GPR160: variants seen among roughly 807,000 people sequenced by gnomAD.
GPR160 encodes G protein-coupled receptor 160, also known as probable G protein-coupled receptor 160.
A neutral mutation model predicts 2.6 loss-of-function variants in GPR160; 2 were observed. The ratio of observed to expected loss-of-function variants is 0.77; its 90% CI spans 0.32 to 2.44. GPR160 has a LOEUF of 2.44. Ranked by LOEUF, GPR160 falls within the 30% of genes most tolerant of loss-of-function variation. The probability of loss-of-function intolerance (pLI) is 0.11; values close to 1 mark genes in which losing one functional copy is unlikely to be tolerated. For missense variants in GPR160, 351 were observed against 383.6 expected (o/e 0.91, Z 0.71); for synonymous variants, 130 against 132.2 (o/e 0.98, Z 0.12).
intron 2 of GPR160, among the ~76,000 whole-genome samples, chr3:170,068,689 A>G (rs973633832): frequency 6.6e-6 from 1 of 152,130 alleles, no homozygotes; most frequent in African/African-American, 2.4e-5. Flanking sequence ...TGTTGTTATT[A>G]TAAATAGCCT....
At chr3:170,066,314 G>A (rs527932366) in intron 2 of GPR160, among the ~76,000 whole-genome samples, 1 of 151,384 alleles carries the variant, frequency 6.6e-6, no homozygotes, top group South Asian at 2.1e-4. Context: ...CTAATTTTTG[G>A]TATTTTTAGT....
At chr3:170,046,062 C>T (rs1716707716) in intron 2 of GPR160, among the ~76,000 whole-genome samples, 1 of 152,182 alleles carries the variant, frequency 6.6e-6, no homozygotes, top group South Asian at 2.1e-4. Context: ...AGCCCTGCTT[C>T]CTTTACTTTC....
At chr3:170,077,428 G>C (rs549807874) in intron 2 of GPR160, 2 of 152,276 alleles carry the variant, frequency 1.3e-5, no homozygotes, top group Admixed American at 1.3e-4. Flanking sequence ...TAATCGGTCA[G>C]AGTGGTGGGA....
intron 2 of GPR160, among the ~76,000 whole-genome samples, chr3:170,047,111 G>A (rs1032344620): frequency 1.3e-4 from 20 of 152,158 alleles, no homozygotes; most frequent in Admixed American, 1.2e-3. Context: ...AAGAGAGGCA[G>A]TAGGCTTTGG....
chr3:170,076,238 T>C (rs1271445616), intron 2 of GPR160, among the ~76,000 whole-genome samples: 1 of 152,156 alleles, frequency 6.6e-6, no homozygotes, highest in Non-Finnish European at 1.5e-5. Flanking sequence ...ATCATGTAAA[T>C]TATATCACCT....
chr3:170,084,670 C>T lies in GPR160; in HGVS notation c.698C>T (p.Thr233Ile). The change falls in exon 4 of 4, where the codon ACT becomes ATT. Residue 233 changes from threonine (T) to isoleucine (I), a missense_variant. Physicochemically the swap from Thr to Ile is moderately conservative, Grantham distance 89. Coordinates refer to ENST00000355897, the MANE Select transcript of GPR160 (RefSeq NM_014373.3). ...CCTTTTTCATCCCACTCCAGTTATA[C>T]TGTGAGATCTAAAAAAATATTCTTA... is the stretch of plus-strand genomic sequence containing the variant. ...YFPFSSHSSY[T>I]VRSKKIFLSK... is the part of the protein sequence containing the mutation. 1 of 1,609,560 alleles carries T rather than the reference C, an allele frequency of 6.2e-7. No homozygotes were observed. The highest frequency in any genetic ancestry group is 8.5e-7 in the Non-Finnish European group (1 of 1,176,192).
At chr3:170,060,053 C>G (rs960349597) in intron 2 of GPR160, among the ~76,000 whole-genome samples, 1 of 151,662 alleles carries the variant, frequency 6.6e-6, no homozygotes, top group Non-Finnish European at 1.5e-5. Context: ...CCATATTTTC[C>G]TAAAAAAAAC....
chr3:170,075,112 C>T (rs1712786587), intron 2 of GPR160, among the ~76,000 whole-genome samples: 1 of 152,106 alleles, frequency 6.6e-6, no homozygotes, highest in African/African-American at 2.4e-5. Context: ...CCTGTAATCC[C>T]TGCTACTTAG....
intron 2 of GPR160, among the ~76,000 whole-genome samples, chr3:170,063,877 G>A (rs1047021452): frequency 6.6e-6 from 1 of 152,150 alleles, no homozygotes; most frequent in Non-Finnish European, 1.5e-5. Context: ...TCTTCCACCC[G>A]CTGCGGCTTT....
intron 2 of GPR160, among the ~76,000 whole-genome samples, chr3:170,072,724 T>C (rs1180556133): frequency 1.1e-4 from 17 of 152,066 alleles, no homozygotes. Context: ...AGTGAGGACT[T>C]ACTCATTACT....
chr3:170,046,860 T>A (rs1056996987), intron 2 of GPR160, among the ~76,000 whole-genome samples: 1 of 152,184 alleles, frequency 6.6e-6, no homozygotes, highest in African/African-American at 2.4e-5. Flanking sequence ...GAACATGGAA[T>A]GGCCTTCATT....
intron 2 of GPR160, among the ~76,000 whole-genome samples, chr3:170,056,300 C>G (rs1002408364): frequency 2.0e-5 from 3 of 152,158 alleles, no homozygotes; most frequent in African/African-American, 4.8e-5. Context: ...AATTTACAAG[C>G]AAACATAAGG....
At chr3:170,064,211 G>A (rs1429485021) in intron 2 of GPR160, among the ~76,000 whole-genome samples, 1 of 152,190 alleles carries the variant, frequency 6.6e-6, no homozygotes, top group Non-Finnish European at 1.5e-5. Context: ...ACCCCTGCCA[G>A]TTTTCCCCGC....
intron 2 of GPR160, among the ~76,000 whole-genome samples, chr3:170,065,879 T>C (rs181815173): frequency 5.9e-5 from 9 of 152,210 alleles, no homozygotes; most frequent in African/African-American, 2.2e-4. Flanking sequence ...CTTCATCTCA[T>C]TCATGACCCC....
chr3:170,060,450 A>G (rs957022366), intron 2 of GPR160, among the ~76,000 whole-genome samples: 4 of 152,200 alleles, frequency 2.6e-5, no homozygotes, highest in African/African-American at 9.6e-5. Context: ...ATTAATTACA[A>G]AGGGAAAAGG....
At chr3:170,079,053 C>T (rs1713002378) in intron 2 of GPR160, among the ~76,000 whole-genome samples, 1 of 152,228 alleles carries the variant, frequency 6.6e-6, no homozygotes, top group South Asian at 2.1e-4. Flanking sequence ...CATCCGCATG[C>T]ATTACTGCTC....
chr3:170,039,155 T>A (rs948325530), intron 2 of GPR160, 112 bp downstream of exon 2: 2 of 151,890 alleles, frequency 1.3e-5, no homozygotes, highest in Non-Finnish European at 2.9e-5. Context: ...GTGAAATGGT[T>A]TCTTGTGTGC....
In GPR160 at chr3:170,085,025, A is replaced by C. The variant is rs759114760; in HGVS notation, c.*36A>C. 44 of 1,155,770 alleles carry C rather than the reference A, an allele frequency of 3.8e-5. 1 individual carries two copies. In the African/African-American group the frequency reaches 7.0e-4, roughly 18 times the overall value. The allele number at this position is 1,155,770 out of a possible 1,614,324, so 71.6% of individuals were successfully genotyped here. On this transcript the variant is annotated 3_prime_UTR_variant, in exon 4 of 4. Coordinates refer to ENST00000355897, the MANE Select transcript of GPR160 (RefSeq NM_014373.3). Reference sequence around the variant, plus strand: ...TAAAAGTTACAGCTGTCATAAGATCATAATTTTATGAACAGAAAGAACTCA... The same window carrying C: ...TAAAAGTTACAGCTGTCATAAGATCCTAATTTTATGAACAGAAAGAACTCA...
At chr3:170,061,226 T>C (rs1265370401) in intron 2 of GPR160, among the ~76,000 whole-genome samples, 3 of 150,112 alleles carry the variant, frequency 2.0e-5, no homozygotes, top group African/African-American at 4.9e-5. Context: ...AGTGAGCCGA[T>C]ATGGCGCCAC....
Sources: allele counts gnomAD v4.1 joint callset (sites outside exome capture counted in the v4.1 genomes callset), GRCh38; gene constraint gnomAD v4.1.1; transcripts MANE v1.5; gene names NCBI Gene and HGNC (gene_info 2026-07-23, HGNC 2026-07-21).